Variants in ENPP6 observed in about 807,000 individuals in gnomAD.
The protein encoded by ENPP6 is glycerophosphocholine cholinephosphodiesterase ENPP6.
Under a neutral mutation model 42.0 loss-of-function variants are expected in ENPP6, and 32 were observed. That is an observed-to-expected ratio of 0.76 (90% CI 0.58 to 1.02). The LOEUF is 1.02. Ranked by LOEUF, ENPP6 falls within the 50% of genes least tolerant of loss-of-function variation. ENPP6 has a pLI of 0.00. For synonymous variants in ENPP6, 213 were observed against 216.0 expected, an observed-to-expected ratio of 0.99 and a Z score of 0.12; for missense variants, 552 against 566.8, an observed-to-expected ratio of 0.97 and a Z score of 0.27.
chr4:184,091,058 A>G lies in ENPP6; in HGVS notation c.*119T>C, dbSNP rs1271592927. 2.3e-6 allele frequency: 2 copies of G among 873,760 alleles called. No homozygotes were observed. Among genetic ancestry groups the G allele is most frequent in the Non-Finnish European group, 1.6e-6 (1 of 609,334 alleles). The allele number at this position is 873,760 out of a possible 1,614,324, so 54.1% of individuals were successfully genotyped here. On this transcript the variant is annotated 3_prime_UTR_variant, in exon 8 of 8. Transcript: ENST00000296741. The stretch of plus-strand genomic sequence containing the variant: ...ATTATCCAAGAATAATGTATTTACA[A>G]TGTGCATGGTCTTGATTGTGTTAAT...
At chr4:184,126,623 G>T (rs2111353702) in intron 2 of ENPP6, among the ~76,000 whole-genome samples, 1 of 152,294 alleles carries the variant, frequency 6.6e-6, no homozygotes, top group African/African-American at 2.4e-5. Context: ...CTTCCAACTT[G>T]CAGAAAGCTG....
intron 2 of ENPP6, among the ~76,000 whole-genome samples, chr4:184,128,813 C>A (rs939259434): frequency 2.6e-5 from 4 of 152,116 alleles, no homozygotes; most frequent in Non-Finnish European, 5.9e-5. Flanking sequence ...GTTGAAAAAA[C>A]TGATCATATT....
intron 1 of ENPP6, among the ~76,000 whole-genome samples, chr4:184,161,812 A>C (rs1175996218): frequency 6.6e-6 from 1 of 152,172 alleles, no homozygotes; most frequent in Non-Finnish European, 1.5e-5. Context: ...ATTCTCACTC[A>C]TAAGAGGGAA....
intron 2 of ENPP6, among the ~76,000 whole-genome samples, chr4:184,127,107 TAAC>T (rs1484265756): frequency 1.3e-5 from 2 of 152,164 alleles, no homozygotes; most frequent in African/African-American, 2.4e-5. Context: ...TCAAAATTGA[TAAC>T]AATATATTAT....
chr4:184,175,820 C>CCAT (rs1167708857), intron 1 of ENPP6, among the ~76,000 whole-genome samples: 2 of 152,202 alleles, frequency 1.3e-5, no homozygotes, highest in Non-Finnish European at 2.9e-5. Context: ...CTGCTATGAA[C>CCAT]CATCACCCCA....
intron 1 of ENPP6, among the ~76,000 whole-genome samples, chr4:184,196,337 A>G (rs568888840): frequency 1.8e-4 from 27 of 152,336 alleles, no homozygotes; most frequent in Admixed American, 9.8e-4. Context: ...AATTGCTTCA[A>G]CTTTATTCAA....
chr4:184,113,915 C>CTTTTCTTTTCT, intron 5 of ENPP6, among the ~76,000 whole-genome samples: 1 of 127,436 alleles, frequency 7.8e-6, no homozygotes, highest in African/African-American at 3.0e-5. Flanking sequence ...TTCTTTCTTT[C>CTTTTCTTTTCT]TTTCTTTCTT....
In ENPP6 at chr4:184,135,793, C is replaced by A. The variant is rs373315111; in HGVS notation, c.422-11521G>T. On this transcript the variant is annotated intron_variant, in intron 2 of 7. Transcript: ENST00000296741. ...GAACATGGCCATCACGTGTGGGCAC[C>A]TTTTCATGCTCCCTTCTCATCACTG... Among the ~76,000 whole-genome samples, 365 of 152,282 alleles carry A rather than the reference C, an allele frequency of 2.4e-3. 2 individuals carry two copies. Among genetic ancestry groups the A allele is most frequent in the African/African-American group, 8.2e-3 (340 of 41,544 alleles).
intron 1 of ENPP6, among the ~76,000 whole-genome samples, chr4:184,177,823 C>A (rs1011800668): frequency 1.3e-5 from 2 of 152,166 alleles, no homozygotes; most frequent in African/African-American, 4.8e-5. Flanking sequence ...CAGAAAGCAA[C>A]AACAACAGCA....
At position 184,131,136 on chromosome 4, in the gene ENPP6, A is replaced by ACTTTCTTTCTTTCTTTCTTT. The variant is rs1426151263; in HGVS notation, c.422-6865_422-6864insAAAGAAAGAAAGAAAGAAAG. The stretch of plus-strand genomic sequence containing the variant: ...ATTGTTTCAACTTGCTTCCACCAGC[A>ACTTTCTTTCTTTCTTTCTTT]CTTACTTTCTTTCTTTCTTTCTTTC... On this transcript the variant is annotated intron_variant, in intron 2 of 7. Coordinates refer to ENST00000296741, the MANE Select transcript of ENPP6 (RefSeq NM_153343.4). Among the ~76,000 whole-genome samples, 434 of 125,300 alleles carry ACTTTCTTTCTTTCTTTCTTT rather than the reference A, an allele frequency of 3.5e-3. 12 individuals carry two copies. Among genetic ancestry groups the ACTTTCTTTCTTTCTTTCTTT allele is most frequent in the Admixed American group, 0.011 (140 of 13,024 alleles). 82.2% of individuals were successfully genotyped at this position (125,300 alleles called of 152,430 possible).
intron 6 of ENPP6, among the ~76,000 whole-genome samples, chr4:184,110,612 T>C (rs1314051951): frequency 6.6e-6 from 1 of 152,160 alleles, no homozygotes; most frequent in Non-Finnish European, 1.5e-5. Flanking sequence ...CGCCCTTTCT[T>C]TCCTGCTTTG....
intron 7 of ENPP6, among the ~76,000 whole-genome samples, 182 bp from the exon 8 acceptor site, chr4:184,091,564 A>G (rs916505530): frequency 6.6e-6 from 1 of 152,136 alleles, no homozygotes; most frequent in Non-Finnish European, 1.5e-5. Flanking sequence ...GCTGTAGGTT[A>G]GAAAGGGAAA....
chr4:184,135,015 T>A (rs970149863), intron 2 of ENPP6, among the ~76,000 whole-genome samples: 4 of 152,220 alleles, frequency 2.6e-5, no homozygotes, highest in East Asian at 1.9e-4. Context: ...AGGATTTTTT[T>A]ATTTTTATTA....
At chr4:184,112,437 C>T (rs145861109) in intron 6 of ENPP6, among the ~76,000 whole-genome samples, 3 of 152,310 alleles carry the variant, frequency 2.0e-5, no homozygotes, top group East Asian at 1.9e-4. Flanking sequence ...TTTGTTAAAA[C>T]ACAGCGAGTC....
chr4:184,095,817 T>C (rs1048906389), intron 7 of ENPP6, among the ~76,000 whole-genome samples: 53 of 152,240 alleles, frequency 3.5e-4, no homozygotes, highest in African/African-American at 1.2e-3. Flanking sequence ...TGCTGACTAA[T>C]GTTCTCACAA....
intron 3 of ENPP6, 47 bp from the exon 4 acceptor site, chr4:184,117,947 G>A (rs563640719): frequency 7.5e-6 from 12 of 1,594,770 alleles, no homozygotes; most frequent in Non-Finnish European, 9.4e-6. Flanking sequence ...GCCCCCGCCA[G>A]CTTGCTCCCT....
chr4:184,209,864 C>T (rs1226867446), intron 1 of ENPP6, among the ~76,000 whole-genome samples: 10 of 141,006 alleles, frequency 7.1e-5, no homozygotes, highest in African/African-American at 2.6e-4. Flanking sequence ...CAAAGGGAAG[C>T]CCATCAGACT....
At chr4:184,102,541 AG>A (rs1736023012) in intron 6 of ENPP6, among the ~76,000 whole-genome samples, 1 of 152,200 alleles carries the variant, frequency 6.6e-6, no homozygotes, top group South Asian at 2.1e-4. Flanking sequence ...ATAACGGAGG[AG>A]GCTGGTGGCC....
At chr4:184,209,155 T>G (rs1246261394) in intron 1 of ENPP6, among the ~76,000 whole-genome samples, 6 of 151,132 alleles carry the variant, frequency 4.0e-5, no homozygotes, top group Middle Eastern at 3.4e-3. Context: ...ACAGAAAAAC[T>G]GGAAACTCTA....
Sources: gnomAD v4.1 joint callset for allele counts (sites outside exome capture counted in the v4.1 genomes callset) on GRCh38, gnomAD v4.1.1 for gene constraint, MANE v1.5 for transcripts, NCBI Gene and HGNC (gene_info 2026-07-23, HGNC 2026-07-21) for gene names.